SIAH1: variants seen among roughly 807,000 people sequenced by gnomAD.
SIAH1 encodes E3 ubiquitin-protein ligase SIAH1.
Under a neutral mutation model 20.0 loss-of-function variants are expected in SIAH1, and 2 were observed. The ratio of observed to expected loss-of-function variants is 0.10; its 90% CI spans 0.04 to 0.31. The LOEUF (loss-of-function observed/expected upper bound fraction) is 0.31, where lower values mean the gene tolerates loss of function less well. SIAH1 is among the 10% of genes least tolerant of loss of function. The pLI is 1.00. For missense variants in SIAH1, 119 were observed against 355.3 expected, an observed-to-expected ratio of 0.33 and a Z score of 5.35; for synonymous variants, 118 against 125.3, an observed-to-expected ratio of 0.94 and a Z score of 0.39.
chr16:48,367,631 A>C (rs1345600742), intron 1 of SIAH1, among the ~76,000 whole-genome samples: 1 of 152,240 alleles, frequency 6.6e-6, no homozygotes, highest in African/African-American at 2.4e-5. Context: ...CAAGTCATCA[A>C]TTAGTCACAG....
chr16:48,365,863 C>T (rs1429649498), intron 1 of SIAH1: 4 of 1,249,080 alleles, frequency 3.2e-6, no homozygotes, highest in East Asian at 3.0e-5. Flanking sequence ...AAGTGCGCTC[C>T]CTGAGCCAGC....
intron 1 of SIAH1, among the ~76,000 whole-genome samples, chr16:48,372,006 TACACAC>T (rs113043573): frequency 2.6e-5 from 4 of 151,086 alleles, no homozygotes; most frequent in South Asian, 2.1e-4. Flanking sequence ...TAAGTATGTA[TACACAC>T]ACACACACAC....
chr16:48,378,355 A>G (rs1288835322), intron 1 of SIAH1, among the ~76,000 whole-genome samples: 1 of 152,166 alleles, frequency 6.6e-6, no homozygotes, highest in Admixed American at 6.5e-5. Flanking sequence ...CTTTGTCACA[A>G]AACAACAACA....
intron 1 of SIAH1, among the ~76,000 whole-genome samples, chr16:48,380,895 C>T: frequency 8.6e-6 from 1 of 115,840 alleles, no homozygotes; most frequent in East Asian, 2.9e-4. Flanking sequence ...CGCCATTGCA[C>T]TCCAGCCTGG....
intron 1 of SIAH1, among the ~76,000 whole-genome samples, chr16:48,375,964 A>G (rs1961099763): frequency 6.6e-6 from 1 of 151,546 alleles, no homozygotes; most frequent in Non-Finnish European, 1.5e-5. Context: ...TCCAAGAAAC[A>G]GAGACTGTCG....
At chr16:48,383,685 C>A (rs190452930) in intron 1 of SIAH1, among the ~76,000 whole-genome samples, 21 of 152,254 alleles carry the variant, frequency 1.4e-4, no homozygotes, top group African/African-American at 4.8e-4. Context: ...CCATTCAAAT[C>A]CCCGGCCACA....
intron 1 of SIAH1, among the ~76,000 whole-genome samples, chr16:48,376,431 C>G (rs1228721118): frequency 6.6e-6 from 1 of 152,032 alleles, no homozygotes; most frequent in Non-Finnish European, 1.5e-5. Flanking sequence ...AACTTAAAAC[C>G]AGCCTATTCA....
Position 48,385,376 on chromosome 16 carries a change from C to G in SIAH1, c.-175G>C, listed in dbSNP as rs946885587. The G allele has an allele frequency of 2.0e-5, 3 of 149,448 alleles. No individual in the cohort carries two copies. The highest frequency in any genetic ancestry group is 3.8e-4 in the East Asian group (2 of 5,328). The allele number at this position is 149,448 out of a possible 1,614,324, so 9.3% of individuals were successfully genotyped here. ...CCCCGCAACGGCCGCCCCGGCTCCC[C>G]CCTGGCCGCCGCCGCCGCCGCCGTT... On this transcript the variant is annotated 5_prime_UTR_variant, in exon 1 of 2. Transcript: ENST00000394725.
chr16:48,375,613 C>T (rs527422851), intron 1 of SIAH1, among the ~76,000 whole-genome samples: 8 of 150,930 alleles, frequency 5.3e-5, no homozygotes, highest in Non-Finnish European at 2.9e-5. Context: ...CACTCCAGCC[C>T]GGGCGACAGA....
At chr16:48,365,736 T>C (rs1804768144) in intron 1 of SIAH1, 3 of 1,405,170 alleles carry the variant, frequency 2.1e-6, no homozygotes, top group African/African-American at 2.9e-5. Flanking sequence ...TGTCCTCCAA[T>C]GTGCCCTAAG....
intron 1 of SIAH1, among the ~76,000 whole-genome samples, chr16:48,378,009 T>C (rs769011400): frequency 1.9e-4 from 29 of 152,098 alleles, no homozygotes; most frequent in Non-Finnish European, 3.7e-4. Context: ...ATAATACTCC[T>C]TAATCACACA....
intron 1 of SIAH1, chr16:48,365,410 G>A (rs763429539): frequency 2.5e-6 from 4 of 1,613,768 alleles, no homozygotes; most frequent in East Asian, 4.5e-5. Context: ...TGTCCTGGCC[G>A]CTGGTAAACA....
chr16:48,364,734 A>G (rs1008000779), intron 1 of SIAH1: 1 of 152,412 alleles, frequency 6.6e-6, no homozygotes, highest in African/African-American at 2.4e-5. Context: ...TGCATGGTCC[A>G]GTTTACTTCA....
At chr16:48,369,915 G>A (rs145806990) in intron 1 of SIAH1, among the ~76,000 whole-genome samples, 2 of 152,296 alleles carry the variant, frequency 1.3e-5, no homozygotes, top group East Asian at 1.9e-4. Context: ...TTCAAAGAAA[G>A]TTTCTGAAAG....
rs1960550581 is a variant in SIAH1 at position 48,360,734 on chromosome 16, C to G, written c.*846G>C. The G allele has an allele frequency of 6.6e-6, 1 of 152,604 alleles. No individual in the cohort carries two copies. Among genetic ancestry groups the G allele is most frequent in the African/African-American group, 2.4e-5 (1 of 41,522 alleles). The allele number at this position is 152,604 out of a possible 1,614,324, so 9.5% of individuals were successfully genotyped here. A position where few individuals can be genotyped will look rare whatever the true frequency, so the allele number is the denominator to read the frequency against. On this transcript the variant is annotated 3_prime_UTR_variant, in exon 2 of 2. Transcript: ENST00000394725. ...AGATATCTGAAAAAGGAAACAAAAG[C>G]CTGATTTGCAGTATTTATAAAAATC...
chr16:48,372,877 A>G (rs1385397123), intron 1 of SIAH1, among the ~76,000 whole-genome samples: 8 of 152,166 alleles, frequency 5.3e-5, no homozygotes, highest in Non-Finnish European at 8.8e-5. Flanking sequence ...TTGAATTTCA[A>G]TGGTTCTGTG....
intron 1 of SIAH1, among the ~76,000 whole-genome samples, chr16:48,368,219 G>A (rs1960890719): frequency 6.6e-6 from 1 of 152,140 alleles, no homozygotes; most frequent in Non-Finnish European, 1.5e-5. Context: ...GAAACCAAGA[G>A]GGCTACAACA....
chr16:48,368,526 T>C (rs962842338), intron 1 of SIAH1, among the ~76,000 whole-genome samples: 1 of 152,178 alleles, frequency 6.6e-6, no homozygotes, highest in Admixed American at 6.5e-5. Flanking sequence ...TGATACTTTG[T>C]CTCTACTAAG....
intron 1 of SIAH1, chr16:48,365,430 G>A: frequency 6.2e-7 from 1 of 1,613,936 alleles, no homozygotes; most frequent in Non-Finnish European, 8.5e-7. Flanking sequence ...ATGTGAACAA[G>A]ACTCCCCTCC....
Sources: allele counts gnomAD v4.1 joint callset (sites outside exome capture counted in the v4.1 genomes callset), GRCh38; gene constraint gnomAD v4.1.1; transcripts MANE v1.5; gene names NCBI Gene and HGNC (gene_info 2026-07-23, HGNC 2026-07-21).